Variants in AADACL2 observed in about 807,000 individuals in gnomAD.
The protein encoded by AADACL2 is arylacetamide deacetylase like 2.
Under a neutral mutation model 22.3 loss-of-function variants are expected in AADACL2, and 23 were observed. The observed-to-expected ratio is 1.03, with a 90% CI of 0.74 to 1.46. The LOEUF (loss-of-function observed/expected upper bound fraction) is 1.46. Among genes scored for constraint, AADACL2 ranks in the 40% most tolerant of loss-of-function variants. The pLI is 0.00. For synonymous variants in AADACL2, 177 were observed against 166.2 expected, an observed-to-expected ratio of 1.07 and a Z score of -0.50; for missense variants, 472 against 482.9, an observed-to-expected ratio of 0.98 and a Z score of 0.21.
In AADACL2 at chr3:151,759,664, C is replaced by CT. The variant is rs1714080301; in HGVS notation, c.*2076dup. 1.3e-5 allele frequency: 2 copies of CT among 152,096 alleles called. No individual in the cohort carries two copies. Among genetic ancestry groups the CT allele is most frequent in the South Asian group, 2.1e-4 (1 of 4,818 alleles). 9.4% of individuals were successfully genotyped at this position (152,096 alleles called of 1,614,324 possible). On this transcript the variant is annotated 3_prime_UTR_variant, in exon 5 of 5. Coordinates refer to ENST00000356517, the MANE Select transcript of AADACL2 (RefSeq NM_207365.4). ...GTATGCTAAGGTAGGCCAGTCAATC[C>CT]TTTTTTATTTATTTTGTAAATTTGG...
rs142059450 is a variant in AADACL2 at position 151,744,102 on chromosome 3, C to T, written c.371C>T (p.Ala124Val). The T allele has an allele frequency of 3.5e-5, 57 of 1,613,522 alleles. No individual in the cohort carries two copies. The East Asian group carries it at 1.2e-3, about 35-fold the overall frequency. Residue 124 changes from alanine (A) to valine (V), a missense_variant, in exon 3 of 5, where the codon GCT becomes GTT. Physicochemically the swap from Ala to Val is moderately conservative, Grantham distance 64. This residue lies in a region of AADACL2 where 356 missense variants were observed against 365.5 expected (regional missense o/e 0.97). Transcript: ENST00000356517. ...TATTTCTTCATTTCAGAACAGAGGGCTTTTGACTTCCTGAATAGATGGACG... is the reference window on the plus strand; with the variant it reads ...TATTTCTTCATTTCAGAACAGAGGGTTTTTGACTTCCTGAATAGATGGACG... ...GFCFGSSKQR[A>V]FDFLNRWTAN...
chr3:151,755,540 G>A (rs1044321562), intron 4 of AADACL2, among the ~76,000 whole-genome samples: 10 of 152,068 alleles, frequency 6.6e-5, no homozygotes, highest in Admixed American at 6.6e-4. Flanking sequence ...TGCCAACCTC[G>A]GAGAATCTGA....
intron 3 of AADACL2, 115 bp downstream of exon 3, chr3:151,744,277 C>A: frequency 1.0e-6 from 1 of 953,128 alleles, no homozygotes; most frequent in Non-Finnish European, 1.5e-6. Context: ...ATATATTTTA[C>A]TTGTCACCAT....
At chr3:151,752,722 T>C (rs1408513990) in intron 4 of AADACL2, among the ~76,000 whole-genome samples, 1 of 152,218 alleles carries the variant, frequency 6.6e-6, no homozygotes, top group African/African-American at 2.4e-5. Flanking sequence ...TGATTTGATA[T>C]TTTGAAGTAA....
intron 3 of AADACL2, among the ~76,000 whole-genome samples, chr3:151,745,093 T>C (rs1271870040): frequency 6.6e-6 from 1 of 152,154 alleles, no homozygotes; most frequent in African/African-American, 2.4e-5. Context: ...ATGTCCTTGA[T>C]AAAATAGGAC....
intron 4 of AADACL2, among the ~76,000 whole-genome samples, chr3:151,754,445 C>T (rs1269757201): frequency 6.6e-6 from 1 of 151,944 alleles, no homozygotes; most frequent in Admixed American, 6.6e-5. Context: ...AACTGGGGGA[C>T]TTAATAAGGG....
rs1433332852 is a variant in AADACL2 at position 151,745,797 on chromosome 3, A to ACAGTAGCACTT, written c.603+118_603+128dup. 4.8e-6 allele frequency: 5 copies of ACAGTAGCACTT among 1,047,772 alleles called. No homozygotes were observed. The African/African-American group carries it at 8.2e-5, about 17-fold the overall frequency. 64.9% of individuals were successfully genotyped at this position (1,047,772 alleles called of 1,614,324 possible). A position where few individuals can be genotyped will look rare whatever the true frequency, so the allele number is the denominator to read the frequency against. ...AAAGACCATTCTTTCCCATTGAATT[A>ACAGTAGCACTT]CAGTAGCACTTGAGTAAACATTTAT... On this transcript the variant is annotated intron_variant, in intron 4 of 4. Transcript: ENST00000356517.
chr3:151,734,062 G>C lies in AADACL2; in HGVS notation c.27G>C (p.Gly9=). 6.2e-7 allele frequency: 1 copy of C among 1,612,922 alleles called. No individual in the cohort carries two copies. The highest frequency in any genetic ancestry group is 1.3e-5 in the African/African-American group (1 of 74,978). ...TGGGGCTAAAAGCTCTCTGTTTGGGGCTGCTTTGTGTTCTTTTTGTCTCTC... is the reference window on the plus strand; with the variant it reads ...TGGGGCTAAAAGCTCTCTGTTTGGGCCTGCTTTGTGTTCTTTTTGTCTCTC... MGLKALCL[G]LLCVLFVSHF... is the part of the protein sequence containing the mutation. Residue 9 remains glycine (G), a synonymous_variant, in exon 1 of 5, where the codon GGG becomes GGC. Coordinates refer to ENST00000356517, the MANE Select transcript of AADACL2 (RefSeq NM_207365.4).
chr3:151,753,609 G>A (rs1713759092), intron 4 of AADACL2, among the ~76,000 whole-genome samples: 1 of 152,162 alleles, frequency 6.6e-6, no homozygotes, highest in South Asian at 2.1e-4. Flanking sequence ...AGTGGGGATA[G>A]CAATCACAGT....
rs527377681 is a variant in AADACL2, at chr3:151,739,469, A to G, written c.139-1177A>G. On this transcript the variant is annotated intron_variant, in intron 1 of 4. Transcript: ENST00000356517. ...GAGATGTCTCCCTGTCAGGAGGCAC[A>G]GGGGTCAGCGAACCATTTGAGGAGA... Among the ~76,000 whole-genome samples the G allele has an allele frequency of 2.0e-5, 3 of 152,340 alleles. No homozygotes were observed. The East Asian group carries it at 5.8e-4, about 29-fold the overall frequency.
At position 151,757,047 on chromosome 3, in the gene AADACL2, C is replaced by T; in HGVS notation, c.659C>T (p.Pro220Leu). The T allele has an allele frequency of 1.2e-6, 2 of 1,611,970 alleles. No homozygotes were observed. The highest frequency in any genetic ancestry group is 1.7e-6 in the Non-Finnish European group (2 of 1,179,246). Residue 220 changes from proline to leucine, a missense_variant, in exon 5 of 5, where the codon CCT (proline) becomes CTT (leucine). Transcript: ENST00000356517. Reference protein sequence around the residue: ...HKIKMQVLLYPGLQITDSYLP... With the variant: ...HKIKMQVLLYLGLQITDSYLP... ...ATCAAGATGCAAGTCTTACTTTACC[C>T]TGGCTTACAGATAACAGATTCTTAT...
intron 3 of AADACL2, 84 bp downstream of exon 3, chr3:151,744,246 CAAATATAATTTTTTAAATTAATATATTTT>C: frequency 4.7e-6 from 6 of 1,269,538 alleles, no homozygotes; most frequent in Non-Finnish European, 6.6e-6. Context: ...AGCTATGCTT[CAAATATAATTTTTTAAATTAATATATTTT>C]ACTTGTCACC....
chr3:151,756,408 T>C (rs190432036), intron 4 of AADACL2, among the ~76,000 whole-genome samples: 107 of 152,216 alleles, frequency 7.0e-4, no homozygotes, highest in Admixed American at 5.5e-3. Context: ...GCCTTTTTTT[T>C]CTTCACCTTG....
chr3:151,743,656 T>C (rs1713350251), intron 2 of AADACL2, among the ~76,000 whole-genome samples: 1 of 152,196 alleles, frequency 6.6e-6, no homozygotes. Flanking sequence ...CAATACATAC[T>C]ATTACTTTCT....
intron 4 of AADACL2, among the ~76,000 whole-genome samples, chr3:151,747,108 T>C (rs977267421): frequency 2.6e-5 from 4 of 152,120 alleles, no homozygotes; most frequent in African/African-American, 9.7e-5. Context: ...TGTATTGAGG[T>C]ACAGTTGAAA....
intron 3 of AADACL2, among the ~76,000 whole-genome samples, chr3:151,744,448 C>T (rs191912860): frequency 9.9e-5 from 15 of 152,168 alleles, no homozygotes. Context: ...CCAAGTAACA[C>T]AGCTGGACAG....
intron 1 of AADACL2, among the ~76,000 whole-genome samples, chr3:151,739,176 T>G (rs776389736): frequency 1.3e-5 from 2 of 152,206 alleles, no homozygotes; most frequent in Admixed American, 6.5e-5. Context: ...GGATGGAGTT[T>G]TTGTGTGGGG....
At chr3:151,740,020 G>A (rs13085859) in intron 1 of AADACL2, among the ~76,000 whole-genome samples, 48,627 of 152,020 alleles carry the variant, frequency 0.32, 8,102 homozygotes, top group East Asian at 0.55. Flanking sequence ...GGGAGTGAAC[G>A]GTTCTGTCTC....
At position 151,757,257 on chromosome 3, in the gene AADACL2, AGTATAGAAAAGACTAT is replaced by A; in HGVS notation, c.875_890del (p.Arg292IlefsTer36). 1 of 1,613,778 alleles carries A rather than the reference AGTATAGAAAAGACTAT, an allele frequency of 6.2e-7. No individual in the cohort carries two copies. The highest frequency in any genetic ancestry group is 8.5e-7 in the Non-Finnish European group (1 of 1,179,716). ...AACTGGAGTATTCTTCTTCCTGAGAAGTATAGAAAAGACTATGTATATACTGAACCAATTCTTGGAG... is the reference window on the plus strand; with the variant it reads ...AACTGGAGTATTCTTCTTCCTGAGAAGTATATACTGAACCAATTCTTGGAG... On this transcript the variant is annotated frameshift_variant, in exon 5 of 5. Transcript: ENST00000356517. LOFTEE classifies it low-confidence loss of function (END_TRUNC).
Sources: gnomAD v4.1 joint callset for allele counts (sites outside exome capture counted in the v4.1 genomes callset) on GRCh38, gnomAD v4.1.1 for gene constraint, gnomAD v4.1.1 regional missense constraint, MANE v1.5 for transcripts, NCBI Gene and HGNC (gene_info 2026-07-23, HGNC 2026-07-21) for gene names.